The following SH3BP4 variants were observed in gnomAD, a reference collection of about 807,000 sequenced individuals.
SH3BP4 encodes SH3 domain binding protein 4.
A neutral mutation model predicts 65.5 loss-of-function variants in SH3BP4; 33 were observed. The ratio of observed to expected loss-of-function variants is 0.50; its 90% CI spans 0.38 to 0.67. The LOEUF is 0.67. Ranked by LOEUF, SH3BP4 falls within the 30% of genes least tolerant of loss-of-function variation. SH3BP4 has a pLI of 0.00. For missense variants in SH3BP4, 1,134 were observed against 1,261.4 expected (o/e 0.90, Z 1.53); for synonymous variants, 552 against 545.5 (o/e 1.01, Z -0.17).
chr2:235,045,498 G>A lies in SH3BP4; in HGVS notation c.2478+2251G>A, dbSNP rs192146489. ...AGGGAGGGGTGTGTCCTCTGTGCCC[G>A]AGTCCTTCCGCTACCCAGAAAGGAG... On this transcript the variant is annotated intron_variant, in intron 4 of 5. Transcript: ENST00000392011. This position sits in a 1 kb window ranked among gnomAD's most constrained non-coding sequence, Gnocchi z 4.3. Among the ~76,000 whole-genome samples the A allele has an allele frequency of 1.7e-3, 266 of 152,222 alleles. 1 individual carries two copies. Among genetic ancestry groups the A allele is most frequent in the Middle Eastern group, 6.8e-3 (2 of 292 alleles).
Position 235,033,906 on chromosome 2 carries a change from G to A in SH3BP4, c.-132-965G>A, listed in dbSNP as rs1321585466. The stretch of plus-strand genomic sequence containing the variant: ...CTGGATAGAGGAATTGAGGAAAAAG[G>A]GACCTCAGACCATTGTATATGTGCC... On this transcript the variant is annotated intron_variant, in intron 2 of 5. Coordinates refer to ENST00000392011, the MANE Select transcript of SH3BP4 (RefSeq NM_014521.3). The surrounding 1 kb of genome is among the most constrained non-coding windows in gnomAD (Gnocchi z 5.7). Among the ~76,000 whole-genome samples the A allele has an allele frequency of 6.6e-6, 1 of 152,172 alleles. No homozygotes were observed. The highest frequency in any genetic ancestry group is 1.5e-5 in the Non-Finnish European group (1 of 68,026).
At position 235,042,665 on chromosome 2, in the gene SH3BP4, GA is replaced by G. The variant is rs1695708190; in HGVS notation, c.1900del (p.Ile634SerfsTer102). On this transcript the variant is annotated frameshift_variant, in exon 4 of 6. Transcript: ENST00000392011. LOFTEE classifies it high-confidence loss of function. This position sits in a 1 kb window ranked among gnomAD's most constrained non-coding sequence, Gnocchi z 7.3. ...RRFLKKNEVG[K>X]IILSPFATTT... Reference sequence around the variant, plus strand: ...GGTTTCTCAAGAAGAACGAAGTCGGGAAAATCATCCTGTCCCCGTTTGCCAC... The same window carrying G: ...GGTTTCTCAAGAAGAACGAAGTCGGGAAATCATCCTGTCCCCGTTTGCCAC... The G allele has an allele frequency of 6.2e-7, 1 of 1,614,052 alleles. No individual in the cohort carries two copies. Among genetic ancestry groups the G allele is most frequent in the Non-Finnish European group, 8.5e-7 (1 of 1,180,048 alleles).
intron 2 of SH3BP4, among the ~76,000 whole-genome samples, chr2:235,027,525 A>T (rs954200367): frequency 6.6e-6 from 1 of 152,216 alleles, no homozygotes; most frequent in Admixed American, 6.5e-5. Context: ...ATGAGTTTCC[A>T]TCGACAGAGC....
intron 2 of SH3BP4, among the ~76,000 whole-genome samples, chr2:234,999,753 G>A (rs1220940983): frequency 6.6e-6 from 1 of 152,162 alleles, no homozygotes; most frequent in African/African-American, 2.4e-5. Flanking sequence ...CAGGATTATT[G>A]GAATGATCCA....
intron 2 of SH3BP4, among the ~76,000 whole-genome samples, chr2:235,016,242 G>A (rs1438021761): frequency 6.6e-6 from 1 of 152,052 alleles, no homozygotes; most frequent in African/African-American, 2.4e-5. Flanking sequence ...AGAGACCTGG[G>A]CCAAAAACAC....
At chr2:235,020,467 A>C (rs1470271758) in intron 2 of SH3BP4, among the ~76,000 whole-genome samples, 1 of 152,178 alleles carries the variant, frequency 6.6e-6, no homozygotes, top group Non-Finnish European at 1.5e-5. Flanking sequence ...ACTGCACTCT[A>C]GCCTGGGTGA....
chr2:234,984,201 G>A (rs767920541), intron 1 of SH3BP4, among the ~76,000 whole-genome samples: 2 of 148,118 alleles, frequency 1.4e-5, no homozygotes, highest in South Asian at 2.1e-4. Context: ...ATGAGTTTTC[G>A]TTTGTTTGTT....
chr2:235,038,241 T>TATATATATTATATATA lies in SH3BP4; in HGVS notation c.119-2606_119-2591dup, dbSNP rs1212961451. ...ATATATAAAGGATATATGTATTTTA[T>TATATATATTATATATA]ATATATATTATATATAATATATATT... is the stretch of plus-strand genomic sequence containing the variant. On this transcript the variant is annotated intron_variant, in intron 3 of 5. Coordinates refer to ENST00000392011, the MANE Select transcript of SH3BP4 (RefSeq NM_014521.3). 5.8e-3 allele frequency among the ~76,000 whole-genome samples: 177 copies of TATATATATTATATATA among 30,766 alleles called. 2 individuals carry two copies. Among genetic ancestry groups the TATATATATTATATATA allele is most frequent in the South Asian group, 0.025 (14 of 566 alleles). 20.2% of individuals were successfully genotyped at this position (30,766 alleles called of 152,430 possible).
chr2:235,028,928 A>T (rs72987428), intron 2 of SH3BP4, among the ~76,000 whole-genome samples: 15,153 of 152,058 alleles, frequency 0.1, 1,154 homozygotes, highest in East Asian at 0.26. Flanking sequence ...AACAGCAGGA[A>T]ATGGGACAGG....
At chr2:235,037,971 A>G (rs888426937) in intron 3 of SH3BP4, among the ~76,000 whole-genome samples, 3 of 151,882 alleles carry the variant, frequency 2.0e-5, no homozygotes, top group Non-Finnish European at 2.9e-5. Context: ...CCAGGATCCA[A>G]TAGCATAGAT....
chr2:235,054,592 T>C lies in SH3BP4; in HGVS notation c.*776T>C, dbSNP rs1435159064. On this transcript the variant is annotated 3_prime_UTR_variant, in exon 6 of 6. Coordinates refer to ENST00000392011, the MANE Select transcript of SH3BP4 (RefSeq NM_014521.3). ...AAAGCAGCCATGAGTTGACAGTCTT[T>C]AGGGCCCCTGCCAGTGTGCAATTAG... 1 of 152,244 alleles carries C rather than the reference T, an allele frequency of 6.6e-6. No homozygotes were observed. Among genetic ancestry groups the C allele is most frequent in the African/African-American group, 2.4e-5 (1 of 41,464 alleles). The allele number at this position is 152,244 out of a possible 1,614,324, so 9.4% of individuals were successfully genotyped here.
chr2:234,969,001 T>C (rs1692909847), intron 1 of SH3BP4, among the ~76,000 whole-genome samples: 1 of 152,206 alleles, frequency 6.6e-6, no homozygotes, highest in African/African-American at 2.4e-5. Context: ...TAGAGCTCTT[T>C]CTTCCTTTAT....
At position 234,991,027 on chromosome 2, in the gene SH3BP4, T is replaced by C. The variant is rs995481749; in HGVS notation, c.-206-4276T>C. ...TGGACTGGGGCCCACCCTGGTAATC[T>C]CACTTTAGCTTGATTGCACCTTGAA... On this transcript the variant is annotated intron_variant, in intron 1 of 5. Transcript: ENST00000392011. The surrounding 1 kb of genome is among the most constrained non-coding windows in gnomAD (Gnocchi z 4.2). Among the ~76,000 whole-genome samples, 2 of 152,178 alleles carry C rather than the reference T, an allele frequency of 1.3e-5. No individual in the cohort carries two copies. Among genetic ancestry groups the C allele is most frequent in the African/African-American group, 4.8e-5 (2 of 41,436 alleles).
At chr2:234,988,659 C>T (rs1028237945) in intron 1 of SH3BP4, among the ~76,000 whole-genome samples, 16 of 152,112 alleles carry the variant, frequency 1.1e-4, no homozygotes, top group East Asian at 3.9e-4. Flanking sequence ...GGAGGGAGGG[C>T]GTTCAGAGAA....
At chr2:235,043,983 G>A (rs545486292) in intron 4 of SH3BP4, among the ~76,000 whole-genome samples, 1 of 152,232 alleles carries the variant, frequency 6.6e-6, no homozygotes, top group Non-Finnish European at 1.5e-5. Context: ...AGATGCGGGT[G>A]GGGGCAGAAG....
At position 235,043,243 on chromosome 2, in the gene SH3BP4, T is replaced by C. The variant is rs763143589; in HGVS notation, c.2474T>C (p.Val825Ala). The C allele has an allele frequency of 2.0e-5, 32 of 1,564,494 alleles. No individual in the cohort carries two copies. Among genetic ancestry groups the C allele is most frequent in the Non-Finnish European group, 2.8e-5 (32 of 1,151,460 alleles). ...CGGAAGTCCTTCCAGAAGGAGCTTGTGATGGTGAGTGCTCAGCAGGTGCCT... is the reference window on the plus strand; with the variant it reads ...CGGAAGTCCTTCCAGAAGGAGCTTGCGATGGTGAGTGCTCAGCAGGTGCCT... ...KERKSFQKEL[V>A]MALLKMDCQG... Residue 825 changes from valine to alanine, a missense_variant, in exon 4 of 6, where the codon GTG becomes GCG. By Grantham distance (64) the Val-to-Ala change is moderately conservative (BLOSUM62 0). Transcript: ENST00000392011.
intron 2 of SH3BP4, among the ~76,000 whole-genome samples, chr2:235,012,382 GTCCTGTAACGT>G (rs1201550472): frequency 6.6e-6 from 1 of 152,236 alleles, no homozygotes; most frequent in Non-Finnish European, 1.5e-5. Flanking sequence ...CTACAAATGT[GTCCTGTAACGT>G]TCTATAAATG....
chr2:234,958,989 T>A (rs1234749748), intron 1 of SH3BP4, among the ~76,000 whole-genome samples: 1 of 151,562 alleles, frequency 6.6e-6, no homozygotes, highest in Non-Finnish European at 1.5e-5. Flanking sequence ...CGGTGGGGAG[T>A]GGCCGCAGAT....
In SH3BP4 at chr2:234,980,685, G is replaced by C. The variant is rs575580506; in HGVS notation, c.-206-14618G>C. 4.6e-5 allele frequency among the ~76,000 whole-genome samples: 7 copies of C among 152,258 alleles called. No homozygotes were observed. In the East Asian group the frequency reaches 1.4e-3, roughly 29 times the overall value. Reference sequence around the variant, plus strand: ...ACTTCCCACAGCAGCCTTCAGGTTCGCCCAGGCTCCTCCGCATGCTCCCCT... The same window carrying C: ...ACTTCCCACAGCAGCCTTCAGGTTCCCCCAGGCTCCTCCGCATGCTCCCCT... On this transcript the variant is annotated intron_variant, in intron 1 of 5. Coordinates refer to ENST00000392011, the MANE Select transcript of SH3BP4 (RefSeq NM_014521.3).
Sources: allele counts gnomAD v4.1 joint callset (sites outside exome capture counted in the v4.1 genomes callset), GRCh38; gene constraint gnomAD v4.1.1; non-coding constraint Gnocchi (gnomAD v3.1); transcripts MANE v1.5; gene names NCBI Gene and HGNC (gene_info 2026-07-23, HGNC 2026-07-21).